Variants in CDCA2 observed in about 807,000 individuals in gnomAD.
CDCA2 encodes cell division cycle-associated protein 2.
A neutral mutation model predicts 67.0 loss-of-function variants in CDCA2; 44 were observed. That is an observed-to-expected ratio of 0.66 (90% confidence interval 0.52 to 0.84). The LOEUF is 0.84. CDCA2 is among the 40% of genes least tolerant of loss of function. CDCA2 has a pLI of 0.00. For synonymous variants in CDCA2, 447 were observed against 418.7 expected (o/e 1.07, Z -0.82); for missense variants, 1,253 against 1,203.2 (o/e 1.04, Z -0.61).
chr8:25,468,020 A>G (rs775603015), intron 5 of CDCA2, among the ~76,000 whole-genome samples, 197 bp from the exon 6 acceptor site: 4 of 145,594 alleles, frequency 2.7e-5, no homozygotes. Context: ...TGAGAGGCTG[A>G]GGCAGGAGTA....
chr8:25,473,764 T>A (rs1304466623), intron 7 of CDCA2, among the ~76,000 whole-genome samples: 2 of 152,290 alleles, frequency 1.3e-5, no homozygotes, highest in South Asian at 2.1e-4. Context: ...CTGATACATA[T>A]TTTTTTCATT....
In CDCA2 at chr8:25,480,140, A is replaced by C; in HGVS notation, c.1032+16A>C. On this transcript the variant is annotated intron_variant, in intron 8 of 14. Transcript: ENST00000330560. ...GAGCTTACAGGTAAGAAGAGAGTTAAATTTCCTAAAGCAAATGAATAAAAA... is the reference window on the plus strand; with the variant it reads ...GAGCTTACAGGTAAGAAGAGAGTTACATTTCCTAAAGCAAATGAATAAAAA... 1 of 1,597,570 alleles carries C rather than the reference A, an allele frequency of 6.3e-7. No homozygotes were observed. Among genetic ancestry groups the C allele is most frequent in the African/African-American group, 1.3e-5 (1 of 74,592 alleles).
intron 5 of CDCA2, among the ~76,000 whole-genome samples, chr8:25,468,000 C>T (rs58215345): frequency 1.3e-5 from 2 of 150,996 alleles, no homozygotes; most frequent in East Asian, 3.9e-4. Flanking sequence ...AGCCTGTAAT[C>T]TCAGCTATTT....
At chr8:25,482,121 C>T (rs1380809139) in intron 8 of CDCA2, among the ~76,000 whole-genome samples, 1 of 152,228 alleles carries the variant, frequency 6.6e-6, no homozygotes, top group African/African-American at 2.4e-5. Context: ...TGTGTTTAGA[C>T]TCGTTCTGTC....
intron 5 of CDCA2, among the ~76,000 whole-genome samples, chr8:25,467,763 A>C (rs1008401827): frequency 2.0e-5 from 3 of 152,178 alleles, no homozygotes; most frequent in Non-Finnish European, 2.9e-5. Flanking sequence ...GGAATAAAAA[A>C]GTGTGGTAGA....
chr8:25,468,562 T>C (rs3812420), intron 6 of CDCA2, 149 bp downstream of exon 6: 281,238 of 450,486 alleles, frequency 0.62, 82,927 homozygotes, highest in Non-Finnish European at 0.67. Context: ...TGTGTGCGTG[T>C]GTGTGTGTGT....
At chr8:25,503,301 C>A in intron 13 of CDCA2, 72 bp from the exon 14 acceptor site, 3 of 1,107,410 alleles carry the variant, frequency 2.7e-6, no homozygotes, top group Non-Finnish European at 4.0e-6. Context: ...ATAAAAATAA[C>A]TAGTTAAAGG....
Position 25,480,048 on chromosome 8 carries a change from T to G in CDCA2, c.956T>G (p.Leu319Arg), listed in dbSNP as rs746806530. The G allele has an allele frequency of 1.9e-6, 3 of 1,614,050 alleles. No individual in the cohort carries two copies. Among genetic ancestry groups the G allele is most frequent in the African/African-American group, 1.3e-5 (1 of 74,920 alleles). ...SPATPACRRDLPTPKTFVLRS... is the reference protein window; with the variant it reads ...SPATPACRRDRPTPKTFVLRS... Reference sequence around the variant, plus strand: ...GCTACTCCAGCCTGCAGGAGGGACCTTCCCACCCCCAAGACCTTTGTACTT... The same window carrying G: ...GCTACTCCAGCCTGCAGGAGGGACCGTCCCACCCCCAAGACCTTTGTACTT... Residue 319 changes from leucine (L) to arginine (R), a missense_variant, in exon 8 of 15, where the codon CTT (leucine) becomes CGT (arginine). Leu to Arg is a moderately radical substitution (Grantham distance 102). Transcript: ENST00000330560.
At position 25,460,450 on chromosome 8, in the gene CDCA2, C is replaced by T. The variant is rs145990893; in HGVS notation, c.128C>T (p.Pro43Leu). ...CCTCAGAAGCATGCCGAATTACCTC[C>T]TAATCCTTGCACACCAGATACTTTT... Reference protein sequence around the residue: ...VTPQKHAELPPNPCTPDTFKS... With the variant: ...VTPQKHAELPLNPCTPDTFKS... The change falls in exon 3 of 15, where the codon CCT (proline) becomes CTT (leucine). Residue 43 changes from proline (P) to leucine (L), a missense_variant. Transcript: ENST00000330560. 2.1e-3 allele frequency: 3,314 copies of T among 1,614,094 alleles called. 4 individuals carry two copies. The highest frequency in any genetic ancestry group is 2.4e-3 in the Non-Finnish European group (2,806 of 1,179,978).
rs59516801 is a variant in CDCA2, at chr8:25,497,506, TAAAAAA to T, written c.1672-5858_1672-5853del. On this transcript the variant is annotated intron_variant, in intron 13 of 14. Transcript: ENST00000330560. ...TGTGGAATCTTTAAAAAATAAAAAA[TAAAAAA>T]AAAAAAAACTCACAGAAGCTGAGAA... Among the ~76,000 whole-genome samples the T allele has an allele frequency of 4.5e-3, 163 of 36,196 alleles. 3 individuals are homozygous for T. Among genetic ancestry groups the T allele is most frequent in the Middle Eastern group, 0.038 (1 of 26 alleles). 23.7% of individuals were successfully genotyped at this position (36,196 alleles called of 152,430 possible).
At chr8:25,497,468 G>T (rs1366733882) in intron 13 of CDCA2, among the ~76,000 whole-genome samples, 1 of 134,140 alleles carries the variant, frequency 7.5e-6, no homozygotes, top group African/African-American at 2.9e-5. Context: ...GAGACAAGAA[G>T]ATCTTACTTA....
chr8:25,503,427 T>G lies in CDCA2; in HGVS notation c.1726T>G (p.Ser576Ala). 2.5e-6 allele frequency: 4 copies of G among 1,614,100 alleles called. No homozygotes were observed. The South Asian group carries it at 3.3e-5, about 13-fold the overall frequency. ...AAAGGGAAAGAAAAGTGTTCAGAAA[T>G]CTTTATATGGGGAAAGAGACATTGC... ...KGKGKKSVQKSLYGERDIASK... is the reference protein window; with the variant it reads ...KGKGKKSVQKALYGERDIASK... Residue 576 changes from serine to alanine, a missense_variant, in exon 14 of 15, where the codon TCT becomes GCT. Coordinates refer to ENST00000330560, the MANE Select transcript of CDCA2 (RefSeq NM_152562.4).
intron 1 of CDCA2, among the ~76,000 whole-genome samples, chr8:25,459,861 GA>G (rs1802607254): frequency 6.6e-6 from 1 of 152,154 alleles, no homozygotes; most frequent in Non-Finnish European, 1.5e-5. Flanking sequence ...TTAATAGGTA[GA>G]AAAACAAAGA....
At chr8:25,475,497 C>T (rs191533769) in intron 7 of CDCA2, among the ~76,000 whole-genome samples, 7 of 152,242 alleles carry the variant, frequency 4.6e-5, no homozygotes, top group East Asian at 1.9e-4. Context: ...GGAGCCTGGG[C>T]GACAGCGAGA....
chr8:25,483,838 C>A, intron 9 of CDCA2, 128 bp from the exon 10 acceptor site: 1 of 813,034 alleles, frequency 1.2e-6, no homozygotes, highest in Non-Finnish European at 1.9e-6. Context: ...TATTTTATAG[C>A]TTTGCTTTAC....
intron 12 of CDCA2, among the ~76,000 whole-genome samples, chr8:25,488,259 T>A (rs969348837): frequency 1.3e-5 from 2 of 152,218 alleles, no homozygotes; most frequent in Non-Finnish European, 2.9e-5. Flanking sequence ...AGGTTCTTAA[T>A]GAGTAGTTGA....
chr8:25,500,713 C>G (rs1336911542), intron 13 of CDCA2, among the ~76,000 whole-genome samples: 3 of 152,182 alleles, frequency 2.0e-5, no homozygotes, highest in Admixed American at 6.5e-5. Flanking sequence ...TATTAACTCT[C>G]AAGTAATGGA....
chr8:25,466,504 G>GA (rs921041722), intron 5 of CDCA2, among the ~76,000 whole-genome samples, 179 bp downstream of exon 5: 136 of 150,938 alleles, frequency 9.0e-4, no homozygotes, highest in African/African-American at 2.9e-3. Flanking sequence ...GTTTCTCTTA[G>GA]AAAAAAAAAC....
intron 8 of CDCA2, among the ~76,000 whole-genome samples, chr8:25,481,835 A>G (rs1803584152): frequency 2.0e-5 from 3 of 152,260 alleles, no homozygotes; most frequent in Admixed American, 6.5e-5. Flanking sequence ...GCTTTGTTGT[A>G]TAAGTTAACT....
Sources: gnomAD v4.1 joint callset for allele counts (sites outside exome capture counted in the v4.1 genomes callset) on GRCh38, gnomAD v4.1.1 for gene constraint, MANE v1.5 for transcripts, NCBI Gene and HGNC (gene_info 2026-07-23, HGNC 2026-07-21) for gene names.